The following FSAF1 variants were observed in gnomAD, a reference collection of about 807,000 sequenced individuals.
FSAF1 encodes 40S small subunit processome assembly factor 1.
At chr1:231,236,996 CT>C in the FSAF1 span, 1,040 of 142,186 alleles carry the variant, frequency 7.3e-3, 2 homozygotes, top group African/African-American at 0.013. Context: ...CACTAATAAT[CT>C]TTTTTTTTTT....
the FSAF1 span, among the ~76,000 whole-genome samples, chr1:231,233,087 G>A: frequency 5.9e-5 from 9 of 152,136 alleles, no homozygotes; most frequent in East Asian, 1.2e-3. Context: ...GAGGATTTCC[G>A]GGTGGAGTAC....
At chr1:231,229,159 G>C in the FSAF1 span, 4 of 1,568,806 alleles carry the variant, frequency 2.5e-6, no homozygotes, top group Non-Finnish European at 3.5e-6. Context: ...CTTTTTCTAG[G>C]TTAAATTCTT....
At chr1:231,241,162 C>T in the FSAF1 span, 4 of 1,598,204 alleles carry the variant, frequency 2.5e-6, no homozygotes. Context: ...TGCACCCCCG[C>T]TTCCGGGTTC....
At chr1:231,235,414 T>C in the FSAF1 span, among the ~76,000 whole-genome samples, 1 of 151,938 alleles carries the variant, frequency 6.6e-6, no homozygotes, top group Non-Finnish European at 1.5e-5. Context: ...GGAGAATCGC[T>C]TGAACCCGGG....
At chr1:231,240,292 C>T in the FSAF1 span, among the ~76,000 whole-genome samples, 1 of 152,210 alleles carries the variant, frequency 6.6e-6, no homozygotes, top group Non-Finnish European at 1.5e-5. The surrounding 1 kb of genome is among the most constrained non-coding windows in gnomAD (Gnocchi z 4.1). Context: ...TTTGAGCAGT[C>T]ATTCCAAAAT....
the FSAF1 span, chr1:231,239,007 A>G: frequency 3.7e-6 from 6 of 1,614,162 alleles, no homozygotes; most frequent in South Asian, 6.6e-5. Context: ...CAGAAGGAGC[A>G]CAATGCCGCT....
chr1:231,226,674 C>T, the FSAF1 span: 1 of 1,419,884 alleles, frequency 7.0e-7, no homozygotes, highest in Non-Finnish European at 1.0e-6. Context: ...TTCCGGCATT[C>T]CACTGTGGCA....
the FSAF1 span, chr1:231,227,031 T>C: frequency 1.9e-6 from 3 of 1,614,140 alleles, no homozygotes; most frequent in Non-Finnish European, 2.5e-6. Context: ...TCCTTTTCCA[T>C]AACCCGTGAT....
the FSAF1 span, chr1:231,226,961 G>A: frequency 6.1e-5 from 99 of 1,613,936 alleles, 2 homozygotes; most frequent in South Asian, 1.0e-3. Context: ...AAAGGTAGCA[G>A]CAGCCCCTCA....
the FSAF1 span, among the ~76,000 whole-genome samples, chr1:231,231,255 T>C: frequency 2.6e-5 from 4 of 152,242 alleles, no homozygotes; most frequent in African/African-American, 7.2e-5. Flanking sequence ...ATTCCTATTC[T>C]ATGACTGGAA....
At chr1:231,231,985 G>A in the FSAF1 span, among the ~76,000 whole-genome samples, 1 of 152,114 alleles carries the variant, frequency 6.6e-6, no homozygotes, top group African/African-American at 2.4e-5. Flanking sequence ...AGCTATTGAT[G>A]GCTTTTTGAG....
chr1:231,238,968 A>T, the FSAF1 span: 12 of 1,614,200 alleles, frequency 7.4e-6, no homozygotes, highest in Non-Finnish European at 5.1e-6. Context: ...GAACTGCAGC[A>T]GCAAGGATCT....
the FSAF1 span, among the ~76,000 whole-genome samples, chr1:231,235,855 G>A: frequency 2.0e-5 from 3 of 152,128 alleles, no homozygotes; most frequent in Non-Finnish European, 4.4e-5. Context: ...ATGACCCCAT[G>A]AAAACCTGCT....
chr1:231,226,933 G>A, the FSAF1 span: 1 of 1,608,330 alleles, frequency 6.2e-7, no homozygotes, highest in East Asian at 2.2e-5. Flanking sequence ...TGCTTTTTTT[G>A]CATGTTGTCT....
At chr1:231,239,387 A>G in the FSAF1 span, among the ~76,000 whole-genome samples, 1 of 152,226 alleles carries the variant, frequency 6.6e-6, no homozygotes, top group African/African-American at 2.4e-5. Context: ...ATCTTTTCCT[A>G]GGTAACTATG....
the FSAF1 span, among the ~76,000 whole-genome samples, chr1:231,230,241 C>G: frequency 1.3e-5 from 2 of 152,056 alleles, no homozygotes; most frequent in Non-Finnish European, 2.9e-5. Context: ...TCACACATCA[C>G]ACACAGAAAA....
At chr1:231,232,194 G>A in the FSAF1 span, among the ~76,000 whole-genome samples, 47,049 of 152,034 alleles carry the variant, frequency 0.31, 7,453 homozygotes, top group Admixed American at 0.39. Flanking sequence ...ACCATCAGTG[G>A]TCTCCTCGGT....
chr1:231,241,160 C>G, the FSAF1 span: 313 of 1,599,674 alleles, frequency 2.0e-4, 1 homozygote, highest in Middle Eastern at 6.7e-4. Context: ...GCTGCACCCC[C>G]GCTTCCGGGT....
At chr1:231,223,789 T>C in the FSAF1 span, 1 of 152,526 alleles carries the variant, frequency 6.6e-6, no homozygotes, top group African/African-American at 2.4e-5. Flanking sequence ...TTTATTTATA[T>C]AACTTCTTAT....
Sources: gnomAD v4.1 joint callset for allele counts (sites outside exome capture counted in the v4.1 genomes callset) on GRCh38, gnomAD v4.1.1 for gene constraint, Gnocchi (gnomAD v3.1) non-coding constraint, MANE v1.5 for transcripts, NCBI Gene and HGNC (gene_info 2026-07-23, HGNC 2026-07-21) for gene names.